AFF3: variants seen among roughly 807,000 people sequenced by gnomAD.
The protein encoded by AFF3 is ALF transcription elongation factor 3.
AFF3 carries 32 observed loss-of-function variants against 129.7 expected under a neutral mutation model. The observed-to-expected ratio is 0.25, with a 90% CI of 0.19 to 0.33. The LOEUF is 0.33. Among genes scored for constraint, AFF3 ranks in the 10% least tolerant of loss-of-function variants. The pLI is 1.00. For missense variants in AFF3, 1,373 were observed against 1,592.0 expected, an observed-to-expected ratio of 0.86 and a Z score of 2.34; for synonymous variants, 644 against 635.4, an observed-to-expected ratio of 1.01 and a Z score of -0.20.
chr2:99,776,574 G>A (rs980890875), intron 8 of AFF3, among the ~76,000 whole-genome samples: 3 of 152,150 alleles, frequency 2.0e-5, no homozygotes, highest in African/African-American at 7.2e-5. Flanking sequence ...ATCACCTGTC[G>A]AGGATGAATC....
chr2:99,891,561 C>T (rs1693552321), intron 7 of AFF3, among the ~76,000 whole-genome samples: 2 of 152,334 alleles, frequency 1.3e-5, no homozygotes, highest in South Asian at 2.1e-4. Flanking sequence ...CTTACCCCTG[C>T]TGCAGGTGCG....
chr2:99,817,921 T>C (rs76328295), intron 8 of AFF3, among the ~76,000 whole-genome samples: 4,745 of 152,248 alleles, frequency 0.031, 89 homozygotes, highest in Non-Finnish European at 0.041. Flanking sequence ...TTATCAGAAG[T>C]AAAAAAACAA....
chr2:99,633,254 A>G (rs1683295923), intron 13 of AFF3, among the ~76,000 whole-genome samples: 1 of 152,128 alleles, frequency 6.6e-6, no homozygotes, highest in Non-Finnish European at 1.5e-5. Flanking sequence ...GAGATTTGAC[A>G]GGCACAAGCT....
At chr2:99,945,207 C>T (rs1367905398) in intron 7 of AFF3, among the ~76,000 whole-genome samples, 5 of 152,180 alleles carry the variant, frequency 3.3e-5, no homozygotes, top group African/African-American at 1.2e-4. Context: ...GGGAAGACCA[C>T]GTTAGCAAAC....
chr2:99,738,397 G>A (rs1392915286), intron 10 of AFF3, among the ~76,000 whole-genome samples: 1 of 151,864 alleles, frequency 6.6e-6, no homozygotes, highest in African/African-American at 2.4e-5. Flanking sequence ...TCTATTGTTT[G>A]TCAATCATAT....
chr2:99,778,430 G>A (rs370667913), intron 8 of AFF3, among the ~76,000 whole-genome samples: 13 of 152,316 alleles, frequency 8.5e-5, no homozygotes, highest in African/African-American at 3.1e-4. Context: ...GAAAGCAATA[G>A]ATGTATTCAT....
At chr2:99,864,620 C>T (rs544420603) in intron 7 of AFF3, among the ~76,000 whole-genome samples, 4 of 152,286 alleles carry the variant, frequency 2.6e-5, no homozygotes, top group Admixed American at 2.6e-4. Context: ...CACCCATATT[C>T]CAGATACTAG....
intron 7 of AFF3, among the ~76,000 whole-genome samples, chr2:99,903,113 T>C (rs911578429): frequency 2.0e-5 from 3 of 152,192 alleles, no homozygotes; most frequent in East Asian, 3.8e-4. Context: ...AATATTATTA[T>C]GTAATTGTAC....
At chr2:99,582,098 G>A (rs1015949331) in intron 17 of AFF3, among the ~76,000 whole-genome samples, 4 of 151,828 alleles carry the variant, frequency 2.6e-5, no homozygotes, top group East Asian at 2.0e-4. Flanking sequence ...CAGGCGATCC[G>A]CCCGCCGCAG....
At chr2:99,655,637 G>A (rs1420584336) in intron 12 of AFF3, among the ~76,000 whole-genome samples, 1 of 152,126 alleles carries the variant, frequency 6.6e-6, no homozygotes, top group Non-Finnish European at 1.5e-5. Flanking sequence ...TATTAACACA[G>A]GACAATAGAA....
intron 7 of AFF3, among the ~76,000 whole-genome samples, chr2:99,948,211 G>A (rs911804077): frequency 6.6e-6 from 1 of 152,124 alleles, no homozygotes; most frequent in South Asian, 2.1e-4. Flanking sequence ...CTGGTCTGTG[G>A]CTGAGGTTCA....
chr2:100,034,720 A>C (rs957478297), intron 4 of AFF3, among the ~76,000 whole-genome samples: 1 of 152,292 alleles, frequency 6.6e-6, no homozygotes, highest in South Asian at 2.1e-4. Flanking sequence ...GTGCCTATAA[A>C]AAGAGCCCCA....
intron 7 of AFF3, among the ~76,000 whole-genome samples, chr2:99,941,401 T>G (rs55983621): frequency 0.029 from 4,355 of 152,302 alleles, 128 homozygotes; most frequent in African/African-American, 0.071. Context: ...TTTACTGCAC[T>G]TATTAGAGCA....
intron 8 of AFF3, among the ~76,000 whole-genome samples, chr2:99,814,484 G>A (rs1311798508): frequency 5.9e-5 from 9 of 152,166 alleles, no homozygotes; most frequent in African/African-American, 2.2e-4. Context: ...AGATTGAAAG[G>A]GAGGCACTAC....
At chr2:100,077,675 T>A (rs561964443) in intron 4 of AFF3, among the ~76,000 whole-genome samples, 301 of 152,302 alleles carry the variant, frequency 2.0e-3, no homozygotes, top group African/African-American at 6.8e-3. Context: ...TTTGGGGAAG[T>A]GGAGGGAGGA....
rs575681149 is a variant in AFF3 at position 99,761,007 on chromosome 2, T to C, written c.922-8706A>G. Among the ~76,000 whole-genome samples, 4 of 151,880 alleles carry C rather than the reference T, an allele frequency of 2.6e-5. No homozygotes were observed. In the South Asian group the frequency reaches 8.4e-4, roughly 32 times the overall value. On this transcript the variant is annotated intron_variant, in intron 8 of 24. Coordinates refer to ENST00000672756, the MANE Select transcript of AFF3 (RefSeq NM_001386135.1). The stretch of plus-strand genomic sequence containing the variant: ...AACTCCGGGGCTCATATGATCCTCC[T>C]GCTTTGGCCTCCCGAGTAGCTGGAA...
rs747299623 is a variant in AFF3 at position 100,105,915 on chromosome 2, C to A, written c.-144-332G>T. The A allele has an allele frequency of 1.3e-5, 17 of 1,330,354 alleles. 2 individuals are homozygous for A. In the South Asian group the frequency reaches 1.8e-4, roughly 14 times the overall value. The allele number at this position is 1,330,354 out of a possible 1,614,324, so 82.4% of individuals were successfully genotyped here. A position where few individuals can be genotyped will look rare whatever the true frequency, so the allele number is the denominator to read the frequency against. ...CCAAAAGGGAGTCCCTTCCAGCACT[C>A]TCCCCTTTGTTCCTTTTTCTGGGCA... is the stretch of plus-strand genomic sequence containing the variant. On this transcript the variant is annotated intron_variant, in intron 2 of 24. Coordinates refer to ENST00000672756, the MANE Select transcript of AFF3 (RefSeq NM_001386135.1).
intron 11 of AFF3, among the ~76,000 whole-genome samples, chr2:99,708,159 CT>C (rs756606211): frequency 6.6e-6 from 1 of 152,032 alleles, no homozygotes; most frequent in Non-Finnish European, 1.5e-5. Flanking sequence ...TAAAAAATTA[CT>C]GTTTATCTGA....
At chr2:99,592,108 G>A (rs62154468) in intron 15 of AFF3, among the ~76,000 whole-genome samples, 4,666 of 152,228 alleles carry the variant, frequency 0.031, 100 homozygotes, top group East Asian at 0.047. Context: ...AGTAACAGGA[G>A]GGGTTAAAAA....
Sources: gnomAD v4.1 joint callset for allele counts (sites outside exome capture counted in the v4.1 genomes callset) on GRCh38, gnomAD v4.1.1 for gene constraint, MANE v1.5 for transcripts, NCBI Gene and HGNC (gene_info 2026-07-23, HGNC 2026-07-21) for gene names.